Variants in AKAP13 observed in about 807,000 individuals in gnomAD.
AKAP13 encodes the protein A-kinase anchoring protein 13, also known as A-kinase anchor protein 13.
Under a neutral mutation model 264.5 loss-of-function variants are expected in AKAP13, and 80 were observed. The ratio of observed to expected loss-of-function variants is 0.30; its 90% CI spans 0.25 to 0.36. AKAP13 has a LOEUF of 0.36. Ranked by LOEUF, AKAP13 falls within the 10% of genes least tolerant of loss-of-function variation. AKAP13 has a pLI of 1.00. For synonymous variants in AKAP13, 1,380 were observed against 1,250.2 expected (o/e 1.10, Z -2.19); for missense variants, 3,712 against 3,435.2 (o/e 1.08, Z -2.01).
At chr15:85,689,457 T>G (rs1330212049) in intron 16 of AKAP13, among the ~76,000 whole-genome samples, 1 of 152,226 alleles carries the variant, frequency 6.6e-6, no homozygotes, top group African/African-American at 2.4e-5. Flanking sequence ...AGAATCACCT[T>G]TGATAGTGTC....
intron 1 of AKAP13, among the ~76,000 whole-genome samples, chr15:85,478,802 A>T (rs1464976684): frequency 1.3e-5 from 2 of 151,158 alleles, no homozygotes; most frequent in Non-Finnish European, 2.9e-5. Context: ...AGCAGGGCTA[A>T]CTGTTCCGTA....
chr15:85,744,771 C>A lies in AKAP13; in HGVS notation c.*94C>A. ...GTGCACAAGTCTCTTACACTGGACG[C>A]CCACTGCTCCTCAGCGTCCAGTCCT... is the stretch of plus-strand genomic sequence containing the variant. On this transcript the variant is annotated 3_prime_UTR_variant, in exon 37 of 37. Transcript: ENST00000394518. The A allele has an allele frequency of 8.4e-7, 1 of 1,193,204 alleles. No homozygotes were observed. The highest frequency in any genetic ancestry group is 1.2e-6 in the Non-Finnish European group (1 of 856,128). 73.9% of individuals were successfully genotyped at this position (1,193,204 alleles called of 1,614,324 possible).
chr15:85,478,890 A>T (rs1002503453), intron 1 of AKAP13, among the ~76,000 whole-genome samples: 2 of 152,104 alleles, frequency 1.3e-5, no homozygotes, highest in African/African-American at 4.8e-5. Context: ...AAGGATCACC[A>T]GATTTGGTCT....
At chr15:85,406,473 C>A (rs576500922) in intron 1 of AKAP13, among the ~76,000 whole-genome samples, 29 of 146,974 alleles carry the variant, frequency 2.0e-4, no homozygotes, top group African/African-American at 7.4e-4. Context: ...ATTTTATATA[C>A]CATATTGCTC....
In AKAP13 at chr15:85,580,020, C is replaced by G. The variant is rs1757048752; in HGVS notation, c.1952C>G (p.Pro651Arg). The change falls in exon 7 of 37, where the codon CCC becomes CGC. Residue 651 changes from proline to arginine, a missense_variant. Coordinates refer to ENST00000394518, the MANE Select transcript of AKAP13 (RefSeq NM_007200.5). Reference protein sequence around the residue: ...HAQSQKGKSSPICSTTGDDKL... With the variant: ...HAQSQKGKSSRICSTTGDDKL... Reference sequence around the variant, plus strand: ...CAAAGCCAAAAGGGCAAATCCTCACCCATTTGTTCTACAACTGGAGACGAT... The same window carrying G: ...CAAAGCCAAAAGGGCAAATCCTCACGCATTTGTTCTACAACTGGAGACGAT... 6.2e-7 allele frequency: 1 copy of G among 1,614,060 alleles called. No individual in the cohort carries two copies. The highest frequency in any genetic ancestry group is 1.7e-5 in the Admixed American group (1 of 60,008).
intron 30 of AKAP13, among the ~76,000 whole-genome samples, chr15:85,733,855 TTTTCTTTTC>T (rs1167643292): frequency 1.3e-5 from 2 of 149,868 alleles, no homozygotes; most frequent in African/African-American, 2.5e-5. Flanking sequence ...TCTTTTGTCA[TTTTCTTTTC>T]TTTCTTTTCT....
chr15:85,527,138 GT>G (rs1334050563), intron 3 of AKAP13, among the ~76,000 whole-genome samples: 1 of 151,566 alleles, frequency 6.6e-6, no homozygotes, highest in Non-Finnish European at 1.5e-5. Context: ...AAGTTTTTGT[GT>G]TTTTTAGTAG....
At chr15:85,436,753 T>A (rs1032243614) in intron 1 of AKAP13, among the ~76,000 whole-genome samples, 3 of 151,696 alleles carry the variant, frequency 2.0e-5, no homozygotes, top group Admixed American at 6.6e-5. Flanking sequence ...GAAATAAAAA[T>A]GTTCTTTGAA....
chr15:85,553,669 G>T (rs548698891), intron 5 of AKAP13, among the ~76,000 whole-genome samples: 2 of 152,296 alleles, frequency 1.3e-5, no homozygotes, highest in South Asian at 4.1e-4. Context: ...AAGGAGATTT[G>T]TACTTTAAAT....
At chr15:85,629,529 A>G (rs958149094) in intron 8 of AKAP13, among the ~76,000 whole-genome samples, 4 of 152,102 alleles carry the variant, frequency 2.6e-5, no homozygotes, top group Non-Finnish European at 5.9e-5. Flanking sequence ...AGATCCGTTA[A>G]ATAGATGCGA....
At chr15:85,645,769 TTTTTTG>T (rs1201196818) in intron 9 of AKAP13, 43 bp from the exon 10 acceptor site, 7 of 1,472,038 alleles carry the variant, frequency 4.8e-6, no homozygotes, top group Middle Eastern at 2.0e-4. Flanking sequence ...GTTTTTTGGT[TTTTTTG>T]TTTTTTTTTT....
chr15:85,577,597 T>C (rs1188201034), intron 6 of AKAP13, among the ~76,000 whole-genome samples: 3 of 152,252 alleles, frequency 2.0e-5, no homozygotes, highest in Non-Finnish European at 4.4e-5. Context: ...TTGATTTTCT[T>C]AATCATTCCC....
At chr15:85,582,132 AAC>A (rs765552463) in intron 7 of AKAP13, 25 bp downstream of exon 7, 12 of 1,549,546 alleles carry the variant, frequency 7.7e-6, no homozygotes, top group Non-Finnish European at 9.5e-6. Flanking sequence ...ATACAAAATT[AAC>A]AGTCTGAGAA....
Position 85,693,481 on chromosome 15 carries a change from A to G in AKAP13, c.5464+30A>G, listed in dbSNP as rs55793600. 3.4e-3 allele frequency: 5,472 copies of G among 1,607,318 alleles called. 173 individuals are homozygous for G. The African/African-American group carries it at 0.065, about 19-fold the overall frequency. On this transcript the variant is annotated intron_variant, in intron 17 of 36. Transcript: ENST00000394518. Reference sequence around the variant, plus strand: ...GAGACATGCTTCTTCCTCTCGTAAGATGGAACTCTCTTGGCTCAAGAAAGC... The same window carrying G: ...GAGACATGCTTCTTCCTCTCGTAAGGTGGAACTCTCTTGGCTCAAGAAAGC...
At chr15:85,490,227 C>T (rs1024624651) in intron 2 of AKAP13, among the ~76,000 whole-genome samples, 5 of 152,014 alleles carry the variant, frequency 3.3e-5, no homozygotes, top group African/African-American at 7.3e-5. Flanking sequence ...AACAGCAGGG[C>T]CAAATGCTTT....
At position 85,743,800 on chromosome 15, in the gene AKAP13, C is replaced by G. The variant is rs35368099; in HGVS notation, c.8367C>G (p.Asn2789Lys). ...AAAAGAAGGAGAAAAAAAAGAAGAACAAAACCAGCCGCTCTCAGCCCGGTG... is the reference window on the plus strand; with the variant it reads ...AAAAGAAGGAGAAAAAAAAGAAGAAGAAAACCAGCCGCTCTCAGCCCGGTG... ...PKEKKEKKKK[N>K]KTSRSQPGDG... is the part of the protein sequence containing the mutation. Residue 2789 changes from asparagine (N) to lysine (K), a missense_variant, in exon 36 of 37, where the codon AAC (asparagine) becomes AAG (lysine). By Grantham distance (94) the Asn-to-Lys change is moderately conservative. This residue lies in a region of AKAP13 where 611 missense variants were observed against 539.3 expected (regional missense o/e 1.13). Coordinates refer to ENST00000394518, the MANE Select transcript of AKAP13 (RefSeq NM_007200.5). The G allele has an allele frequency of 3.1e-6, 5 of 1,611,498 alleles. No individual in the cohort carries two copies. The East Asian group carries it at 6.7e-5, about 22-fold the overall frequency.
At chr15:85,384,533 A>G (rs1315851150) in intron 1 of AKAP13, among the ~76,000 whole-genome samples, 2 of 152,102 alleles carry the variant, frequency 1.3e-5, no homozygotes, top group African/African-American at 2.4e-5. Flanking sequence ...CCTGGCCAAC[A>G]TGGTGAAACC....
chr15:85,679,814 G>A (rs541993881), intron 14 of AKAP13, among the ~76,000 whole-genome samples: 11 of 152,172 alleles, frequency 7.2e-5, no homozygotes, highest in South Asian at 4.2e-4. Flanking sequence ...GACAAGTTTC[G>A]TTTCGTTTCA....
intron 1 of AKAP13, among the ~76,000 whole-genome samples, chr15:85,398,885 T>C (rs1016963039): frequency 6.6e-6 from 1 of 152,228 alleles, no homozygotes; most frequent in African/African-American, 2.4e-5. Flanking sequence ...TGTATGAACT[T>C]AAGTTTATCT....
Sources: gnomAD v4.1 joint callset for allele counts (sites outside exome capture counted in the v4.1 genomes callset) on GRCh38, gnomAD v4.1.1 for gene constraint, gnomAD v4.1.1 regional missense constraint, MANE v1.5 for transcripts, NCBI Gene and HGNC (gene_info 2026-07-23, HGNC 2026-07-21) for gene names.